Variants in ZSCAN30 observed in about 807,000 individuals in gnomAD.
ZSCAN30 encodes the protein zinc finger and SCAN domain containing 30.
Under a neutral mutation model 44.3 loss-of-function variants are expected in ZSCAN30, and 37 were observed. The ratio of observed to expected loss-of-function variants is 0.84; its 90% CI spans 0.64 to 1.10. The LOEUF is 1.10. ZSCAN30 is among the 50% of genes least tolerant of loss of function. The pLI is 0.00. For synonymous variants in ZSCAN30, 181 were observed against 204.6 expected (o/e 0.88, Z 0.98); for missense variants, 549 against 582.6 (o/e 0.94, Z 0.59).
At chr18:35,263,472 T>TCA in intron 3 of ZSCAN30, 41 bp downstream of exon 3, 1 of 1,610,848 alleles carries the variant, frequency 6.2e-7, no homozygotes, top group Non-Finnish European at 8.5e-7. Context: ...TTGATAGCTC[T>TCA]CACCTCCATC....
intron 1 of ZSCAN30, chr18:35,270,082 A>G (rs1224111300): frequency 1.3e-5 from 2 of 152,200 alleles, no homozygotes; most frequent in Non-Finnish European, 2.9e-5. Context: ...AATAATAAAC[A>G]CTTCTCTATC....
rs542633465 is a variant in ZSCAN30, at chr18:35,264,165, C to T, written c.188G>A (p.Arg63Gln). The change falls in exon 2 of 4, where the codon CGG becomes CAG. Residue 63 changes from arginine (R) to glutamine (Q), a missense_variant. Coordinates refer to ENST00000333206, the MANE Select transcript of ZSCAN30 (RefSeq NM_001112734.4). ...QFSYSDSTGP[R>Q]EALSRLRELC... ...CTCTCGCAGCCGGCTCAGAGCCTCCCGAGGGCCAGTGGAGTCAGAGTAACT... is the reference window on the plus strand; with the variant it reads ...CTCTCGCAGCCGGCTCAGAGCCTCCTGAGGGCCAGTGGAGTCAGAGTAACT... The T allele has an allele frequency of 1.8e-5, 29 of 1,614,228 alleles. No individual in the cohort carries two copies. Among genetic ancestry groups the T allele is most frequent in the South Asian group, 4.4e-5 (4 of 91,086 alleles).
At chr18:35,280,345 G>A (rs948669780) in intron 1 of ZSCAN30, among the ~76,000 whole-genome samples, 2 of 149,120 alleles carry the variant, frequency 1.3e-5, no homozygotes, top group Non-Finnish European at 3.0e-5. Flanking sequence ...GAGAGAGAGA[G>A]GCAGAGAGAG....
intron 1 of ZSCAN30, among the ~76,000 whole-genome samples, chr18:35,288,228 C>T (rs1260343199): frequency 6.6e-6 from 1 of 152,198 alleles, no homozygotes; most frequent in Non-Finnish European, 1.5e-5. Context: ...AAGATTTGTA[C>T]AGATACTTCA....
intron 1 of ZSCAN30, among the ~76,000 whole-genome samples, chr18:35,274,935 T>A (rs2044344830): frequency 6.6e-6 from 1 of 152,236 alleles, no homozygotes; most frequent in South Asian, 2.1e-4. Flanking sequence ...TTTAATGTAG[T>A]CCAATTGAAA....
chr18:35,288,374 T>C (rs745760439), intron 1 of ZSCAN30, among the ~76,000 whole-genome samples: 1 of 152,202 alleles, frequency 6.6e-6, no homozygotes, highest in Non-Finnish European at 1.5e-5. Context: ...GGAACTCTCA[T>C]GTACTCATGT....
rs2043760763 is a variant in ZSCAN30, at chr18:35,255,209, AGTC to A, written c.554-831_554-829del. 3.3e-5 allele frequency among the ~76,000 whole-genome samples: 5 copies of A among 151,228 alleles called. 1 individual carries two copies. In the South Asian group the frequency reaches 1.1e-3, roughly 32 times the overall value. ...TCACAAAACATGCCCCATCTCTAGTAGTCTCCTGTTATGAGTTACTGGAAATCT... is the reference window on the plus strand; with the variant it reads ...TCACAAAACATGCCCCATCTCTAGTATCCTGTTATGAGTTACTGGAAATCT... On this transcript the variant is annotated intron_variant, in intron 3 of 3. Transcript: ENST00000333206.
chr18:35,270,093 A>G (rs1284676009), intron 1 of ZSCAN30: 2 of 152,136 alleles, frequency 1.3e-5, no homozygotes, highest in East Asian at 3.8e-4. Context: ...CTTCTCTATC[A>G]TTTATTTATT....
At position 35,263,512 on chromosome 18, in the gene ZSCAN30, C is replaced by T. The variant is rs770438117; in HGVS notation, c.553+1G>A. ...ACCCCACATGGACTGGGGCTTCTCA[C>T]CTCTCTCCTGGAAAGCCTGGGACTC... On this transcript the variant is annotated splice_donor_variant, in intron 3 of 3. Coordinates refer to ENST00000333206, the MANE Select transcript of ZSCAN30 (RefSeq NM_001112734.4). LOFTEE classifies it high-confidence loss of function. The T allele has an allele frequency of 6.2e-7, 1 of 1,614,160 alleles. No individual in the cohort carries two copies. Among genetic ancestry groups the T allele is most frequent in the South Asian group, 1.1e-5 (1 of 91,088 alleles).
chr18:35,277,004 A>G (rs1323019501), intron 1 of ZSCAN30, among the ~76,000 whole-genome samples: 1 of 152,218 alleles, frequency 6.6e-6, no homozygotes, highest in Non-Finnish European at 1.5e-5. Flanking sequence ...CACCTCTTAC[A>G]TCAGTGTGCC....
chr18:35,262,333 T>C (rs1426827631), intron 3 of ZSCAN30: 1 of 152,210 alleles, frequency 6.6e-6, no homozygotes, highest in Non-Finnish European at 1.5e-5. Context: ...ATACCTGATA[T>C]ATCTGCTGCC....
chr18:35,253,806 T>C lies in ZSCAN30; in HGVS notation c.1129A>G (p.Arg377Gly), dbSNP rs2043683410. The change falls in exon 4 of 4, where the codon AGA becomes GGA. Residue 377 changes from arginine (R) to glycine (G), a missense_variant. By Grantham distance (125) the Arg-to-Gly change is moderately radical (BLOSUM62 -2). Transcript: ENST00000333206. ...RGSSELIRHR[R>G]IHTGEKPYEC... ...TAAGGCTTCTCTCCAGTGTGGATTC[T>C]CCGATGCCTGATGAGCTCTGAACTG... 6.2e-7 allele frequency: 1 copy of C among 1,614,216 alleles called. No individual in the cohort carries two copies. Among genetic ancestry groups the C allele is most frequent in the East Asian group, 2.2e-5 (1 of 44,884 alleles).
intron 3 of ZSCAN30, chr18:35,259,985 C>T (rs762634042): frequency 6.6e-6 from 1 of 152,300 alleles, no homozygotes; most frequent in East Asian, 1.9e-4. Flanking sequence ...TTAAGCCCCA[C>T]ATGCATTAGC....
chr18:35,270,259 T>TCTAA (rs924719271), intron 1 of ZSCAN30: 9 of 152,012 alleles, frequency 5.9e-5, no homozygotes, highest in African/African-American at 1.7e-4. Flanking sequence ...CTCTGTACTA[T>TCTAA]CTTTGCAATA....
chr18:35,267,518 G>C (rs1005815795), intron 1 of ZSCAN30: 18 of 152,090 alleles, frequency 1.2e-4, no homozygotes, highest in African/African-American at 4.1e-4. Flanking sequence ...CCCCGGGAGC[G>C]AGAACAATGC....
rs35727680 is a variant in ZSCAN30 at position 35,272,350 on chromosome 18, GTT to G, written c.-103-7897_-103-7896del. 1.7e-4 allele frequency among the ~76,000 whole-genome samples: 24 copies of G among 137,678 alleles called. 1 individual carries two copies. Among genetic ancestry groups the G allele is most frequent in the African/African-American group, 6.2e-4 (23 of 37,058 alleles). The allele number at this position is 137,678 out of a possible 152,430, so 90.3% of individuals were successfully genotyped here. A position where few individuals can be genotyped will look rare whatever the true frequency, so the allele number is the denominator to read the frequency against. ...CGGCCCATATCCATCATTTTAGAAA[GTT>G]TTTTTTTTTTTTTTAGATGGAGTCT... On this transcript the variant is annotated intron_variant, in intron 1 of 3. Coordinates refer to ENST00000333206, the MANE Select transcript of ZSCAN30 (RefSeq NM_001112734.4).
At chr18:35,263,749 C>A in intron 2 of ZSCAN30, 92 bp from the exon 3 acceptor site, 1 of 1,500,288 alleles carries the variant, frequency 6.7e-7, no homozygotes, top group South Asian at 1.2e-5. Flanking sequence ...GAATCAAAAA[C>A]TCATTCAAAT....
At position 35,252,787 on chromosome 18, in the gene ZSCAN30, C is replaced by G. The variant is rs1383244291; in HGVS notation, c.*663G>C. The G allele has an allele frequency of 6.6e-6, 1 of 152,250 alleles. No homozygotes were observed. The highest frequency in any genetic ancestry group is 1.5e-5 in the Non-Finnish European group (1 of 68,114). The allele number at this position is 152,250 out of a possible 1,614,324, so 9.4% of individuals were successfully genotyped here. On this transcript the variant is annotated 3_prime_UTR_variant, in exon 4 of 4. Coordinates refer to ENST00000333206, the MANE Select transcript of ZSCAN30 (RefSeq NM_001112734.4). ...ATGCATATCCTATTAGCCCTTAACT[C>G]TGGGAGGGCAATGACCAGGTCTACC...
At chr18:35,288,204 T>A (rs1361661299) in intron 1 of ZSCAN30, among the ~76,000 whole-genome samples, 1 of 152,188 alleles carries the variant, frequency 6.6e-6, no homozygotes, top group Non-Finnish European at 1.5e-5. Context: ...AAGACTAGTG[T>A]CCAGAATGGA....
Sources: allele counts gnomAD v4.1 joint callset (sites outside exome capture counted in the v4.1 genomes callset), GRCh38; gene constraint gnomAD v4.1.1; transcripts MANE v1.5; gene names NCBI Gene and HGNC (gene_info 2026-07-23, HGNC 2026-07-21).